GLRX3: variants seen among roughly 807,000 people sequenced by gnomAD.
GLRX3 encodes glutaredoxin 3.
GLRX3 carries 22 observed loss-of-function variants against 49.5 expected under a neutral mutation model. The ratio of observed to expected loss-of-function variants is 0.44; its 90% confidence interval spans 0.32 to 0.63. The LOEUF (loss-of-function observed/expected upper bound fraction) is 0.63. GLRX3 is among the 30% of genes least tolerant of loss of function. GLRX3 has a pLI of 0.05. For synonymous variants in GLRX3, 133 were observed against 140.0 expected, an observed-to-expected ratio of 0.95 and a Z score of 0.35; for missense variants, 385 against 396.3, an observed-to-expected ratio of 0.97 and a Z score of 0.24.
chr10:130,150,926 A>G (rs1454430648), intron 2 of GLRX3, among the ~76,000 whole-genome samples: 1 of 148,406 alleles, frequency 6.7e-6, no homozygotes, highest in Non-Finnish European at 1.5e-5. Context: ...TTCTGGTAGA[A>G]TTGTTTTTTT....
At chr10:130,142,613 A>G (rs573985528) in intron 1 of GLRX3, among the ~76,000 whole-genome samples, 2 of 152,298 alleles carry the variant, frequency 1.3e-5, no homozygotes, top group East Asian at 3.9e-4. Flanking sequence ...CAGATCTCTT[A>G]GAGTACATCT....
chr10:130,142,335 C>T (rs1174115526), intron 1 of GLRX3, among the ~76,000 whole-genome samples: 1 of 152,154 alleles, frequency 6.6e-6, no homozygotes, highest in African/African-American at 2.4e-5. Flanking sequence ...TCACCTCTCC[C>T]AACACTTACC....
intron 2 of GLRX3, among the ~76,000 whole-genome samples, chr10:130,150,826 A>C (rs1001146238): frequency 2.6e-5 from 4 of 152,172 alleles, no homozygotes; most frequent in Non-Finnish European, 4.4e-5. Context: ...TCAGTGGCAG[A>C]GAATGTTGGC....
rs554510792 is a variant in GLRX3 at position 130,151,479 on chromosome 10, A to T, written c.201+6160A>T. 4.6e-5 allele frequency among the ~76,000 whole-genome samples: 7 copies of T among 152,214 alleles called. No individual in the cohort carries two copies. In the South Asian group the frequency reaches 1.2e-3, roughly 27 times the overall value. On this transcript the variant is annotated intron_variant, in intron 2 of 10. Transcript: ENST00000331244. Reference sequence around the variant, plus strand: ...GTTGGTTTGCTGTACCCATCAACTCATCATTTACATTAGGTATTTCTCCTA... The same window carrying T: ...GTTGGTTTGCTGTACCCATCAACTCTTCATTTACATTAGGTATTTCTCCTA...
chr10:130,161,161 A>G (rs1402091136), intron 4 of GLRX3, among the ~76,000 whole-genome samples, 164 bp downstream of exon 4: 1 of 152,202 alleles, frequency 6.6e-6, no homozygotes, highest in Non-Finnish European at 1.5e-5. Flanking sequence ...CAATGACACT[A>G]TATAAGAATT....
intron 10 of GLRX3, among the ~76,000 whole-genome samples, chr10:130,177,676 G>A (rs1862950117): frequency 6.6e-6 from 1 of 152,186 alleles, no homozygotes. Flanking sequence ...GCCTTCTTGA[G>A]TGTGTGCTCA....
chr10:130,157,910 C>A (rs1862507361), intron 2 of GLRX3, among the ~76,000 whole-genome samples: 1 of 152,124 alleles, frequency 6.6e-6, no homozygotes, highest in Non-Finnish European at 1.5e-5. Flanking sequence ...AAAACTGTTA[C>A]ATTAAATCCA....
intron 10 of GLRX3, 27 bp downstream of exon 10, chr10:130,175,116 A>G (rs767094778): frequency 4.1e-6 from 5 of 1,211,036 alleles, no homozygotes. Flanking sequence ...TGCTGTTCTA[A>G]AGAACGGAAA....
intron 10 of GLRX3, among the ~76,000 whole-genome samples, chr10:130,178,776 C>T (rs1862969956): frequency 6.6e-6 from 1 of 152,178 alleles, no homozygotes; most frequent in South Asian, 2.1e-4. Context: ...GATCTTGGCT[C>T]ACTACAATCT....
intron 2 of GLRX3, among the ~76,000 whole-genome samples, chr10:130,148,356 C>T (rs1224043294): frequency 6.7e-6 from 1 of 149,374 alleles, no homozygotes; most frequent in Non-Finnish European, 1.5e-5. Context: ...GTCTTGAACT[C>T]ATGGGCTCAA....
intron 1 of GLRX3, among the ~76,000 whole-genome samples, chr10:130,143,534 G>T (rs959744301): frequency 1.3e-5 from 2 of 151,778 alleles, no homozygotes; most frequent in African/African-American, 2.4e-5. Flanking sequence ...TAAATGTTTA[G>T]AATTTTTTTT....
intron 7 of GLRX3, 59 bp from the exon 8 acceptor site, chr10:130,171,525 C>T: frequency 3.3e-6 from 3 of 917,288 alleles, no homozygotes; most frequent in Non-Finnish European, 3.7e-6. Context: ...GTATTAGGTA[C>T]AACCATGCTG....
chr10:130,166,986 T>C lies in GLRX3; in HGVS notation c.713+6T>C, dbSNP rs1287573545. 1 of 1,542,596 alleles carries C rather than the reference T, an allele frequency of 6.5e-7. No homozygotes were observed. The highest frequency in any genetic ancestry group is 2.3e-5 in the East Asian group (1 of 44,052). On this transcript the variant is annotated splice_donor_region_variant and intron_variant, in intron 6 of 10. Coordinates refer to ENST00000331244, the MANE Select transcript of GLRX3 (RefSeq NM_006541.5). The stretch of plus-strand genomic sequence containing the variant: ...GCTCCCAAATTAGAGGAAAGGTAAG[T>C]GTTTTAGAAGGTTTCAAATAGCCTA...
At position 130,142,570 on chromosome 10, in the gene GLRX3, CAT is replaced by C. The variant is rs560663411; in HGVS notation, c.93-2640_93-2639del. On this transcript the variant is annotated intron_variant, in intron 1 of 10. Coordinates refer to ENST00000331244, the MANE Select transcript of GLRX3 (RefSeq NM_006541.5). Reference sequence around the variant, plus strand: ...AGGATTTTCTTGTATTAAAAAGGCCCATCCCTTGATTTTGTCTTTTTCTCTGC... The same window carrying C: ...AGGATTTTCTTGTATTAAAAAGGCCCCCCTTGATTTTGTCTTTTTCTCTGC... Among the ~76,000 whole-genome samples the C allele has an allele frequency of 5.9e-3, 905 of 152,328 alleles. 3 individuals are homozygous for C. The highest frequency in any genetic ancestry group is 0.014 in the Middle Eastern group (4 of 294).
chr10:130,168,678 A>C (rs1862743299), intron 6 of GLRX3, among the ~76,000 whole-genome samples: 1 of 152,088 alleles, frequency 6.6e-6, no homozygotes, highest in South Asian at 2.1e-4. Flanking sequence ...TGATCTCCTG[A>C]CCTCGTGATC....
At chr10:130,151,958 G>C (rs990476309) in intron 2 of GLRX3, among the ~76,000 whole-genome samples, 1 of 151,982 alleles carries the variant, frequency 6.6e-6, no homozygotes, top group South Asian at 2.1e-4. Context: ...GCCAGGCTGT[G>C]TCTTTTAGTC....
At chr10:130,160,187 C>A (rs1356111218) in intron 3 of GLRX3, 118 bp downstream of exon 3, 2 of 656,990 alleles carry the variant, frequency 3.0e-6, no homozygotes, top group Non-Finnish European at 5.5e-6. Context: ...GTTTCTGGCC[C>A]TCCACCTTTC....
At chr10:130,145,880 G>C (rs1171713) in intron 2 of GLRX3, among the ~76,000 whole-genome samples, 1 of 151,410 alleles carries the variant, frequency 6.6e-6, no homozygotes, top group African/African-American at 2.4e-5. Context: ...TGCAACCTCT[G>C]CCTCCCCGGT....
intron 1 of GLRX3, among the ~76,000 whole-genome samples, chr10:130,136,762 T>TGGCTCCGACCCC (rs1862061583): frequency 6.6e-6 from 1 of 152,078 alleles, no homozygotes; most frequent in African/African-American, 2.4e-5. Flanking sequence ...GCCCCAGCCC[T>TGGCTCCGACCCC]GGCTCCGACC....
Sources: allele counts gnomAD v4.1 joint callset (sites outside exome capture counted in the v4.1 genomes callset), GRCh38; gene constraint gnomAD v4.1.1; transcripts MANE v1.5; gene names NCBI Gene and HGNC (gene_info 2026-07-23, HGNC 2026-07-21).